LRRC4C: variants seen among roughly 807,000 people sequenced by gnomAD.
LRRC4C encodes the protein leucine rich repeat containing 4C, also known as leucine-rich repeat-containing protein 4C.
In LRRC4C, 5 loss-of-function variants were observed where a neutral mutation model predicts 33.6. That is an observed-to-expected ratio of 0.15 (90% CI 0.08 to 0.31). The LOEUF is 0.31. LRRC4C is among the 10% of genes least tolerant of loss of function. The pLI, the probability that LRRC4C is intolerant of heterozygous loss-of-function variation, is 1.00. For synonymous variants in LRRC4C, 329 were observed against 302.0 expected, an observed-to-expected ratio of 1.09 and a Z score of -0.93; for missense variants, 560 against 796.7, an observed-to-expected ratio of 0.70 and a Z score of 3.58.
intron 3 of LRRC4C, among the ~76,000 whole-genome samples, chr11:40,340,458 G>A (rs1201268076): frequency 6.6e-6 from 1 of 152,050 alleles, no homozygotes; most frequent in Non-Finnish European, 1.5e-5. Context: ...AATACATTGG[G>A]ACTGAGGAAT....
chr11:40,668,724 A>G (rs1239414123), intron 2 of LRRC4C, among the ~76,000 whole-genome samples: 1 of 152,172 alleles, frequency 6.6e-6, no homozygotes, highest in Non-Finnish European at 1.5e-5. Flanking sequence ...TTACAGTTCA[A>G]TCTTACTTGT....
intron 1 of LRRC4C, among the ~76,000 whole-genome samples, chr11:41,405,983 CA>C (rs1954216936): frequency 6.6e-6 from 1 of 152,104 alleles, no homozygotes; most frequent in Non-Finnish European, 1.5e-5. Context: ...GCATCTCATT[CA>C]CAGGACAGCT....
chr11:40,322,762 T>A (rs2136869056), intron 3 of LRRC4C, among the ~76,000 whole-genome samples: 1 of 152,302 alleles, frequency 6.6e-6, no homozygotes, highest in South Asian at 2.1e-4. Context: ...TTTATGCTGC[T>A]TTGGGATTTA....
intron 3 of LRRC4C, among the ~76,000 whole-genome samples, chr11:40,431,918 T>C (rs1840362470): frequency 6.6e-6 from 1 of 152,160 alleles, no homozygotes; most frequent in Non-Finnish European, 1.5e-5. Flanking sequence ...TGCTACAACC[T>C]ACCCTTGCAG....
intron 1 of LRRC4C, among the ~76,000 whole-genome samples, chr11:40,936,336 G>GTTTTT (rs34468606): frequency 1.8e-5 from 2 of 112,704 alleles, no homozygotes; most frequent in Non-Finnish European, 3.6e-5. Flanking sequence ...TCTAACACTT[G>GTTTTT]TTTTTTTTTT....
intron 3 of LRRC4C, among the ~76,000 whole-genome samples, chr11:40,583,030 C>T (rs1038493611): frequency 6.6e-6 from 1 of 152,126 alleles, no homozygotes; most frequent in African/African-American, 2.4e-5. Flanking sequence ...TATGGTAATA[C>T]TACCGTGCTA....
intron 3 of LRRC4C, among the ~76,000 whole-genome samples, chr11:40,342,081 A>T (rs1865746149): frequency 6.6e-6 from 1 of 152,186 alleles, no homozygotes; most frequent in Admixed American, 6.6e-5. Flanking sequence ...GTCAAATTCA[A>T]GAGTATTATT....
At chr11:40,384,738 T>G (rs1949037903) in intron 3 of LRRC4C, among the ~76,000 whole-genome samples, 1 of 152,188 alleles carries the variant, frequency 6.6e-6, no homozygotes. Flanking sequence ...TCCACCTTTC[T>G]TTTCTTTTTT....
intron 2 of LRRC4C, among the ~76,000 whole-genome samples, chr11:40,807,952 A>C (rs1473820964): frequency 6.6e-6 from 1 of 152,170 alleles, no homozygotes; most frequent in Non-Finnish European, 1.5e-5. Context: ...TTTGGAAAAA[A>C]ATTACATCAG....
chr11:40,577,832 CTTTTTTTTTTTTT>C (rs56061263), intron 3 of LRRC4C, among the ~76,000 whole-genome samples: 6 of 119,366 alleles, frequency 5.0e-5, no homozygotes, highest in Admixed American at 4.6e-4. Context: ...TTTCTTTTTT[CTTTTTTTTTTTTT>C]TTTTTTTTGA....
At chr11:41,072,738 T>C (rs1277181335) in intron 1 of LRRC4C, among the ~76,000 whole-genome samples, 1 of 152,158 alleles carries the variant, frequency 6.6e-6, no homozygotes, top group Non-Finnish European at 1.5e-5. Flanking sequence ...GAAGACTGAT[T>C]ATGCAATTCT....
In LRRC4C at chr11:40,558,114, T is replaced by C. The variant is rs1002802851; in HGVS notation, c.-270+90028A>G. 2.0e-5 allele frequency among the ~76,000 whole-genome samples: 3 copies of C among 152,166 alleles called. No individual in the cohort carries two copies. The East Asian group carries it at 5.8e-4, about 29-fold the overall frequency. On this transcript the variant is annotated intron_variant, in intron 3 of 6. Transcript: ENST00000528697. ...CTAACGTAATTGTTTAGCACTGCAATTACTGTTCAGAAATACAAATACAAA... is the reference window on the plus strand; with the variant it reads ...CTAACGTAATTGTTTAGCACTGCAACTACTGTTCAGAAATACAAATACAAA...
At chr11:41,033,590 C>T (rs1193076883) in intron 1 of LRRC4C, among the ~76,000 whole-genome samples, 1 of 152,050 alleles carries the variant, frequency 6.6e-6, no homozygotes, top group Non-Finnish European at 1.5e-5. Flanking sequence ...ACAAACTGGG[C>T]ATTTGTCCAC....
rs543021538 is a variant in LRRC4C, at chr11:40,914,126, C to A, written c.-407+19509G>T. Among the ~76,000 whole-genome samples the A allele has an allele frequency of 1.3e-4, 20 of 152,136 alleles. No individual in the cohort carries two copies. In the South Asian group the frequency reaches 3.7e-3, roughly 28 times the overall value. ...CAAATTCTACCAGAAGTACAAGGAG[C>A]AGTTGGTACCATTCCTTCTGATACT... On this transcript the variant is annotated intron_variant, in intron 2 of 6. Transcript: ENST00000528697.
chr11:41,348,624 C>T (rs1379686293), intron 1 of LRRC4C, among the ~76,000 whole-genome samples: 1 of 151,344 alleles, frequency 6.6e-6, no homozygotes, highest in African/African-American at 2.4e-5. Flanking sequence ...AAGACTGTTA[C>T]ACCCTGAACA....
At chr11:41,420,057 A>G (rs1483894260) in intron 1 of LRRC4C, among the ~76,000 whole-genome samples, 1 of 151,934 alleles carries the variant, frequency 6.6e-6, no homozygotes, top group Non-Finnish European at 1.5e-5. Context: ...CTCGGGGAAC[A>G]TCCTGCTTTG....
At chr11:40,937,512 T>C (rs1012713193) in intron 1 of LRRC4C, among the ~76,000 whole-genome samples, 2 of 151,960 alleles carry the variant, frequency 1.3e-5, no homozygotes, top group African/African-American at 4.8e-5. Flanking sequence ...AATACTAGGG[T>C]ACTCTTAAGA....
At chr11:40,266,549 A>G (rs189184153) in intron 4 of LRRC4C, among the ~76,000 whole-genome samples, 5 of 152,260 alleles carry the variant, frequency 3.3e-5, no homozygotes, top group Non-Finnish European at 5.9e-5. Flanking sequence ...CTAAATAAAT[A>G]ATCAAATAAA....
At chr11:40,285,354 C>T (rs1172775461) in intron 4 of LRRC4C, among the ~76,000 whole-genome samples, 2 of 152,132 alleles carry the variant, frequency 1.3e-5, no homozygotes, top group Non-Finnish European at 2.9e-5. Flanking sequence ...GGAAGAGTTT[C>T]AGGAAACCAG....
Sources: gnomAD v4.1 joint callset for allele counts (sites outside exome capture counted in the v4.1 genomes callset) on GRCh38, gnomAD v4.1.1 for gene constraint, MANE v1.5 for transcripts, NCBI Gene and HGNC (gene_info 2026-07-23, HGNC 2026-07-21) for gene names.